Variants in MARCHF7 observed in about 807,000 individuals in gnomAD.
MARCHF7 encodes membrane associated ring-CH-type finger 7.
Under a neutral mutation model 76.5 loss-of-function variants are expected in MARCHF7, and 20 were observed. The observed-to-expected ratio is 0.26, with a 90% CI of 0.18 to 0.38. The LOEUF (loss-of-function observed/expected upper bound fraction) is 0.38. Among genes scored for constraint, MARCHF7 ranks in the 10% least tolerant of loss-of-function variants. The probability of loss-of-function intolerance (pLI) is 1.00; values close to 1 mark genes in which losing one functional copy is unlikely to be tolerated. For missense variants in MARCHF7, 797 were observed against 812.9 expected, an observed-to-expected ratio of 0.98 and a Z score of 0.24; for synonymous variants, 295 against 293.0, an observed-to-expected ratio of 1.01 and a Z score of -0.07.
In MARCHF7 at chr2:159,748,485, T is replaced by C. The variant is rs1560016697; in HGVS notation, c.1195T>C (p.Ser399Pro). Residue 399 changes from serine (S) to proline (P), a missense_variant, in exon 7 of 12, where the codon TCT becomes CCT. Ser to Pro is a moderately conservative substitution (Grantham distance 74). Around this residue, in one of 3 missense-constraint regions of MARCHF7, gnomAD observed 643 missense variants for 631.5 expected, o/e 1.02. Transcript: ENST00000409175. ...SLRNRCTPLF[S>P]RRRREGRDES... ...TAGAAATAGATGCACACCTTTGTTC[T>C]CTAGAAGGAGGCGAGAGGGAAGAGA... 6.2e-7 allele frequency: 1 copy of C among 1,614,094 alleles called. No homozygotes were observed. The highest frequency in any genetic ancestry group is 1.1e-5 in the South Asian group (1 of 91,076).
intron 8 of MARCHF7, among the ~76,000 whole-genome samples, chr2:159,756,048 G>C (rs1706252986): frequency 6.6e-6 from 1 of 152,160 alleles, no homozygotes. Flanking sequence ...TGACTCACAG[G>C]TTTTGTTAGT....
chr2:159,721,599 G>A lies in MARCHF7; in HGVS notation c.-15+5833G>A, dbSNP rs547340977. The stretch of plus-strand genomic sequence containing the variant: ...GAAAAATCTCAAATACCAATCGTAC[G>A]ATTTTTGTCTGTGTGTGTGTGGCTT... On this transcript the variant is annotated intron_variant, in intron 3 of 11. Coordinates refer to ENST00000409175, the MANE Select transcript of MARCHF7 (RefSeq NM_001282805.2). Among the ~76,000 whole-genome samples, 4 of 152,278 alleles carry A rather than the reference G, an allele frequency of 2.6e-5. No individual in the cohort carries two copies. The South Asian group carries it at 8.3e-4, about 32-fold the overall frequency.
chr2:159,737,866 G>A (rs1052942739), intron 4 of MARCHF7, among the ~76,000 whole-genome samples: 7 of 152,320 alleles, frequency 4.6e-5, no homozygotes, highest in Middle Eastern at 3.4e-3. Flanking sequence ...TAGTTGATGG[G>A]ACTGTAAAAT....
intron 8 of MARCHF7, among the ~76,000 whole-genome samples, chr2:159,758,310 C>G (rs543402366): frequency 6.6e-6 from 1 of 152,126 alleles, no homozygotes; most frequent in African/African-American, 2.4e-5. Flanking sequence ...TGGAAGTTTT[C>G]TTTTTCTTTT....
chr2:159,737,949 G>A (rs370513790), intron 4 of MARCHF7, among the ~76,000 whole-genome samples: 2 of 152,328 alleles, frequency 1.3e-5, no homozygotes, highest in African/African-American at 4.8e-5. Flanking sequence ...CCTTTGCCCA[G>A]GTTTTGCTCG....
chr2:159,720,645 G>GA (rs1269525284), intron 3 of MARCHF7, among the ~76,000 whole-genome samples: 1 of 151,938 alleles, frequency 6.6e-6, no homozygotes. Flanking sequence ...CGTTATACTT[G>GA]AAAAAATACT....
chr2:159,728,228 A>C (rs1702391812), intron 3 of MARCHF7, among the ~76,000 whole-genome samples: 1 of 152,234 alleles, frequency 6.6e-6, no homozygotes, highest in Admixed American at 6.5e-5. Flanking sequence ...GAGTCAGTGA[A>C]CTAACAGATA....
intron 4 of MARCHF7, among the ~76,000 whole-genome samples, chr2:159,738,622 G>A (rs1244055406): frequency 6.6e-6 from 1 of 152,176 alleles, no homozygotes; most frequent in Non-Finnish European, 1.5e-5. Context: ...ACAGGAGTGG[G>A]TAGCTCCTGT....
chr2:159,734,770 G>C (rs946196737), intron 4 of MARCHF7, among the ~76,000 whole-genome samples: 2 of 146,938 alleles, frequency 1.4e-5, no homozygotes, highest in Non-Finnish European at 3.0e-5. Context: ...CCAGGAGTTC[G>C]AGACCAGTCT....
intron 10 of MARCHF7, 53 bp downstream of exon 10, chr2:159,763,046 C>A: frequency 9.2e-7 from 1 of 1,091,828 alleles, no homozygotes; most frequent in Non-Finnish European, 1.4e-6. Flanking sequence ...CAAGTGTATG[C>A]CTTGGAAAGC....
At chr2:159,749,102 C>T (rs1317728025) in intron 7 of MARCHF7, among the ~76,000 whole-genome samples, 199 bp downstream of exon 7, 1 of 151,504 alleles carries the variant, frequency 6.6e-6, no homozygotes, top group African/African-American at 2.4e-5. Flanking sequence ...TTTCAGCCTC[C>T]CGAGTAGCTG....
chr2:159,734,940 C>T (rs535292191), intron 4 of MARCHF7, among the ~76,000 whole-genome samples: 7 of 151,960 alleles, frequency 4.6e-5, no homozygotes, highest in Admixed American at 2.6e-4. Flanking sequence ...CTTGATCATG[C>T]AATTGCACTC....
intron 7 of MARCHF7, 71 bp downstream of exon 7, chr2:159,748,974 T>A: frequency 2.3e-6 from 2 of 857,402 alleles, no homozygotes; most frequent in Non-Finnish European, 2.9e-6. Context: ...CTTTTTTTTC[T>A]TTTCTTTTTT....
chr2:159,731,069 T>G (rs895073626), intron 4 of MARCHF7, among the ~76,000 whole-genome samples: 56 of 152,086 alleles, frequency 3.7e-4, no homozygotes, highest in Non-Finnish European at 7.9e-4. Context: ...ATTTTTGTGT[T>G]TTTTTGAAGA....
intron 5 of MARCHF7, among the ~76,000 whole-genome samples, chr2:159,743,736 C>A (rs1335640079): frequency 7.8e-5 from 2 of 25,784 alleles, no homozygotes; most frequent in Admixed American, 4.5e-4. Context: ...CCTGTTTCTA[C>A]CAAAAAAAAA....
At chr2:159,729,803 C>T (rs887191782) in intron 4 of MARCHF7, among the ~76,000 whole-genome samples, 11 of 152,180 alleles carry the variant, frequency 7.2e-5, no homozygotes, top group Non-Finnish European at 1.5e-4. Flanking sequence ...TCCTTTCCCT[C>T]TAAGATCACA....
intron 7 of MARCHF7, among the ~76,000 whole-genome samples, chr2:159,749,583 A>G (rs551237331): frequency 1.3e-5 from 2 of 151,978 alleles, no homozygotes; most frequent in African/African-American, 4.8e-5. Flanking sequence ...CCTGACCTCA[A>G]ATGATCCACC....
At chr2:159,734,323 C>CT (rs34742849) in intron 4 of MARCHF7, among the ~76,000 whole-genome samples, 43 of 147,514 alleles carry the variant, frequency 2.9e-4, no homozygotes, top group South Asian at 1.9e-3. Context: ...TTATTGATAC[C>CT]TTTTTTTTTT....
chr2:159,752,315 A>G, intron 7 of MARCHF7, 87 bp from the exon 8 acceptor site: 2 of 1,293,672 alleles, frequency 1.5e-6, no homozygotes, highest in Non-Finnish European at 2.0e-6. Flanking sequence ...TAGAAATAAC[A>G]AAAAAGAAAG....
Sources: gnomAD v4.1 joint callset for allele counts (sites outside exome capture counted in the v4.1 genomes callset) on GRCh38, gnomAD v4.1.1 for gene constraint, gnomAD v4.1.1 regional missense constraint, MANE v1.5 for transcripts, NCBI Gene and HGNC (gene_info 2026-07-23, HGNC 2026-07-21) for gene names.